Variants in DNTT observed in about 807,000 individuals in gnomAD.
The protein encoded by DNTT is DNA nucleotidylexotransferase.
DNTT carries 47 observed loss-of-function variants against 60.9 expected under a neutral mutation model. The ratio of observed to expected loss-of-function variants is 0.77; its 90% CI spans 0.61 to 0.98. The LOEUF (loss-of-function observed/expected upper bound fraction) is 0.98, where lower values mean the gene tolerates loss of function less well. Ranked by LOEUF, DNTT falls within the 50% of genes least tolerant of loss-of-function variation. The pLI is 0.00. For synonymous variants in DNTT, 224 were observed against 221.2 expected, an observed-to-expected ratio of 1.01 and a Z score of -0.11; for missense variants, 665 against 627.5, an observed-to-expected ratio of 1.06 and a Z score of -0.64.
chr10:96,329,392 T>G (rs552904379), intron 8 of DNTT, among the ~76,000 whole-genome samples: 1 of 152,194 alleles, frequency 6.6e-6, no homozygotes, highest in Non-Finnish European at 1.5e-5. Flanking sequence ...GAAACCAAAG[T>G]AAGCTAAGCT....
chr10:96,320,366 A>C (rs1192949631), intron 3 of DNTT, among the ~76,000 whole-genome samples: 1 of 152,194 alleles, frequency 6.6e-6, no homozygotes, highest in Non-Finnish European at 1.5e-5. Flanking sequence ...TTTTAGTTAA[A>C]TCATCTGTGA....
chr10:96,319,521 C>G (rs145076478), intron 3 of DNTT, 131 bp downstream of exon 3: 1 of 1,285,456 alleles, frequency 7.8e-7, no homozygotes, highest in Non-Finnish European at 1.1e-6. Flanking sequence ...GCAGCCCTAG[C>G]CTGATCTCTG....
Position 96,319,400 on chromosome 10 carries a change from C to G in DNTT, c.507+10C>G. The G allele has an allele frequency of 6.2e-7, 1 of 1,613,240 alleles. No homozygotes were observed. The highest frequency in any genetic ancestry group is 8.5e-7 in the Non-Finnish European group (1 of 1,179,398). On this transcript the variant is annotated intron_variant, in intron 3 of 10. Transcript: ENST00000371174. ...TAACCAGATATTCACGGTAACGGGA[C>G]TTTACATCAACACCCAGGGCAAACG...
intron 10 of DNTT, 139 bp downstream of exon 10, chr10:96,336,113 G>A: frequency 1.2e-6 from 1 of 828,016 alleles, no homozygotes; most frequent in South Asian, 1.5e-5. Context: ...CATCATAGTT[G>A]AGGGCAGCAA....
chr10:96,332,090 A>T (rs1845012494), intron 8 of DNTT, among the ~76,000 whole-genome samples: 1 of 152,216 alleles, frequency 6.6e-6, no homozygotes, highest in Non-Finnish European at 1.5e-5. Flanking sequence ...AGAAGTGGAG[A>T]GGGAGATTTT....
At chr10:96,305,175 T>C (rs1487205435) in intron 1 of DNTT, among the ~76,000 whole-genome samples, 2 of 152,174 alleles carry the variant, frequency 1.3e-5, no homozygotes, top group Non-Finnish European at 2.9e-5. Context: ...ACTAGCCAGC[T>C]TACCACAGGC....
chr10:96,330,316 C>CT (rs34863236), intron 8 of DNTT, among the ~76,000 whole-genome samples: 1,993 of 140,428 alleles, frequency 0.014, 44 homozygotes, highest in African/African-American at 0.05. Context: ...GCTTTGTGGG[C>CT]TTTTTTTTTT....
At position 96,332,580 on chromosome 10, in the gene DNTT, G is replaced by A; in HGVS notation, c.1343G>A (p.Gly448Glu). ...GAGCGTCGTGCCTTTGCCCTGTTGGGATGGACTGGCTCCCGGGTAAGTGCT... is the reference window on the plus strand; with the variant it reads ...GAGCGTCGTGCCTTTGCCCTGTTGGAATGGACTGGCTCCCGGGTAAGTGCT... ...PYERRAFALL[G>E]WTGSRQFERD... Residue 448 changes from glycine to glutamate, a missense_variant, in exon 9 of 11, where the codon GGA becomes GAA. Gly to Glu is a moderately conservative substitution (Grantham distance 98). Transcript: ENST00000371174. The A allele has an allele frequency of 1.9e-6, 3 of 1,613,398 alleles. 1 individual carries two copies. The highest frequency in any genetic ancestry group is 2.2e-5 in the South Asian group (2 of 91,032).
At chr10:96,327,431 G>A in intron 6 of DNTT, 37 bp from the exon 7 acceptor site, 1 of 1,613,962 alleles carries the variant, frequency 6.2e-7, no homozygotes. Flanking sequence ...TCACACACGT[G>A]TCACTCTCTC....
chr10:96,316,349 C>T (rs964581300), intron 1 of DNTT, among the ~76,000 whole-genome samples: 6 of 152,166 alleles, frequency 3.9e-5, no homozygotes, highest in African/African-American at 1.4e-4. Flanking sequence ...ATCATTTCAT[C>T]TTCCTAAGTA....
At position 96,315,851 on chromosome 10, in the gene DNTT, A is replaced by G. The variant is rs548941945; in HGVS notation, c.204-2501A>G. Reference sequence around the variant, plus strand: ...CACTTCCTATTAATCCTTGATCCAAAGAATCCTTCAGGAATTTTATTATAA... The same window carrying G: ...CACTTCCTATTAATCCTTGATCCAAGGAATCCTTCAGGAATTTTATTATAA... On this transcript the variant is annotated intron_variant, in intron 1 of 10. Transcript: ENST00000371174. Among the ~76,000 whole-genome samples, 17 of 152,306 alleles carry G rather than the reference A, an allele frequency of 1.1e-4. No homozygotes were observed. The East Asian group carries it at 2.9e-3, about 26-fold the overall frequency.
chr10:96,328,879 A>G (rs781442452), intron 8 of DNTT, 49 bp downstream of exon 8: 2 of 1,566,930 alleles, frequency 1.3e-6, no homozygotes, highest in Non-Finnish European at 1.7e-6. Context: ...TTATGTTAAC[A>G]CTTGAATTTT....
rs767910309 is a variant in DNTT at position 96,320,822 on chromosome 10, A to G, written c.678+34A>G. 6 of 1,610,660 alleles carry G rather than the reference A, an allele frequency of 3.7e-6. No homozygotes were observed. In the East Asian group the frequency reaches 6.7e-5, roughly 18 times the overall value. On this transcript the variant is annotated intron_variant, in intron 4 of 10. Transcript: ENST00000371174. The stretch of plus-strand genomic sequence containing the variant: ...GAAATGGGATTTGTCCCACTTCCCA[A>G]TAGGTAGGTGGGAACGGGGGAGAGA...
At chr10:96,307,549 T>C (rs1460929211) in intron 1 of DNTT, among the ~76,000 whole-genome samples, 5 of 149,502 alleles carry the variant, frequency 3.3e-5, no homozygotes. Flanking sequence ...AGAGTTGGGG[T>C]TTCACGATGT....
chr10:96,307,705 G>GTATATATATATATATATA (rs1203030676), intron 1 of DNTT, among the ~76,000 whole-genome samples: 1 of 52,882 alleles, frequency 1.9e-5, no homozygotes, highest in African/African-American at 6.6e-5. Flanking sequence ...GTGTGTGTGT[G>GTATATATATATATATATA]TATATATATA....
intron 10 of DNTT, 33 bp from the exon 11 acceptor site, chr10:96,338,105 T>C (rs1334055350): frequency 1.3e-6 from 2 of 1,588,456 alleles, no homozygotes; most frequent in South Asian, 1.1e-5. Context: ...ATGAAAAATA[T>C]CTGAATGCAC....
At chr10:96,326,421 G>A (rs1344342095) in intron 6 of DNTT, among the ~76,000 whole-genome samples, 1 of 152,214 alleles carries the variant, frequency 6.6e-6, no homozygotes, top group African/African-American at 2.4e-5. Context: ...GTATTCATAT[G>A]AATACCATTT....
intron 6 of DNTT, among the ~76,000 whole-genome samples, chr10:96,324,705 G>C (rs1267598178): frequency 6.6e-6 from 1 of 152,222 alleles, no homozygotes; most frequent in African/African-American, 2.4e-5. Flanking sequence ...CCTCCACTGT[G>C]GCTGTTTGTG....
intron 1 of DNTT, among the ~76,000 whole-genome samples, chr10:96,307,201 T>C (rs1844648350): frequency 6.6e-6 from 1 of 152,186 alleles, no homozygotes; most frequent in Non-Finnish European, 1.5e-5. Flanking sequence ...GGGCTCTCCC[T>C]CCACAATATG....
Sources: gnomAD v4.1 joint callset for allele counts (sites outside exome capture counted in the v4.1 genomes callset) on GRCh38, gnomAD v4.1.1 for gene constraint, MANE v1.5 for transcripts, NCBI Gene and HGNC (gene_info 2026-07-23, HGNC 2026-07-21) for gene names.